SLC22A3: variants seen among roughly 807,000 people sequenced by gnomAD.
SLC22A3 encodes the protein EMT organic cation transporter 3.
SLC22A3 carries 51 observed loss-of-function variants against 59.1 expected under a neutral mutation model. The ratio of observed to expected loss-of-function variants is 0.86; its 90% CI spans 0.69 to 1.09. SLC22A3 has a LOEUF of 1.09. SLC22A3 is among the 50% of genes least tolerant of loss of function. SLC22A3 has a pLI of 0.00. For synonymous variants in SLC22A3, 325 were observed against 292.0 expected (o/e 1.11, Z -1.15); for missense variants, 711 against 726.3 (o/e 0.98, Z 0.24).
rs995749188 is a variant in SLC22A3 at position 160,415,350 on chromosome 6, A to C, written c.975+4504A>C. 2.6e-5 allele frequency among the ~76,000 whole-genome samples: 4 copies of C among 152,204 alleles called. No homozygotes were observed. The highest frequency in any genetic ancestry group is 4.8e-5 in the African/African-American group (2 of 41,458). Reference sequence around the variant, plus strand: ...GGCACTGTACTTGAACTCCAACCCCAAAAATCACAGCAGGATTCCATTATA... The same window carrying C: ...GGCACTGTACTTGAACTCCAACCCCCAAAATCACAGCAGGATTCCATTATA... On this transcript the variant is annotated intron_variant, in intron 5 of 10. Transcript: ENST00000275300. The surrounding 1 kb of genome is among the most constrained non-coding windows in gnomAD (Gnocchi z 4.1).
At chr6:160,357,514 T>C (rs922725988) in intron 1 of SLC22A3, among the ~76,000 whole-genome samples, 2 of 152,132 alleles carry the variant, frequency 1.3e-5, no homozygotes, top group African/African-American at 4.8e-5. Flanking sequence ...AGGGACAAGG[T>C]GCCAGGAGCT....
rs754656605 is a variant in SLC22A3 at position 160,437,051 on chromosome 6, G to C, written c.1128G>C (p.Gly376=). 6.2e-7 allele frequency: 1 copy of C among 1,614,084 alleles called. No homozygotes were observed. Among genetic ancestry groups the C allele is most frequent in the South Asian group, 1.1e-5 (1 of 91,082 alleles). The change falls in exon 7 of 11, where the codon GGG becomes GGC. Residue 376 remains glycine (G), a synonymous_variant. Transcript: ENST00000275300. Reference sequence around the variant, plus strand: ...TTGTCATGCGCCTGGGAATTATAGGGGGCAACCTCTATATAGACTTTTTCA... The same window carrying C: ...TTGTCATGCGCCTGGGAATTATAGGCGGCAACCTCTATATAGACTTTTTCA... ...QGLVMRLGII[G]GNLYIDFFIS...
intron 1 of SLC22A3, among the ~76,000 whole-genome samples, chr6:160,354,497 T>C (rs1784764689): frequency 6.6e-6 from 1 of 152,188 alleles, no homozygotes; most frequent in Admixed American, 6.5e-5. Context: ...AGTTTGCTGA[T>C]CCCTGGTCTA....
At chr6:160,438,359 C>T (rs1788425376) in intron 7 of SLC22A3, among the ~76,000 whole-genome samples, 1 of 152,102 alleles carries the variant, frequency 6.6e-6, no homozygotes, top group South Asian at 2.1e-4. Context: ...GTGGGGATTA[C>T]AGAGAAAGCT....
In SLC22A3 at chr6:160,360,549, T is replaced by C. The variant is rs376179722; in HGVS notation, c.429+11701T>C. Among the ~76,000 whole-genome samples, 96 of 152,338 alleles carry C rather than the reference T, an allele frequency of 6.3e-4. 1 individual carries two copies. Among genetic ancestry groups the C allele is most frequent in the African/African-American group, 1.9e-3 (80 of 41,560 alleles). On this transcript the variant is annotated intron_variant, in intron 1 of 10. Coordinates refer to ENST00000275300, the MANE Select transcript of SLC22A3 (RefSeq NM_021977.4). ...TCTCAGTTTCTCTTTATTAAACCTCTTTCTCTTAAGAACATAAACAAACAA... is the reference window on the plus strand; with the variant it reads ...TCTCAGTTTCTCTTTATTAAACCTCCTTCTCTTAAGAACATAAACAAACAA...
intron 5 of SLC22A3, among the ~76,000 whole-genome samples, chr6:160,419,423 A>G (rs1006860672): frequency 2.6e-5 from 4 of 152,180 alleles, no homozygotes; most frequent in African/African-American, 9.7e-5. Context: ...TTTCAGTTCA[A>G]TTAGGGTGCT....
At chr6:160,423,280 C>T (rs1787820006) in intron 5 of SLC22A3, among the ~76,000 whole-genome samples, 1 of 152,108 alleles carries the variant, frequency 6.6e-6, no homozygotes, top group Non-Finnish European at 1.5e-5. Context: ...TGAATAGTGC[C>T]ACAATAAACA....
Position 160,348,425 on chromosome 6 carries a change from C to T in SLC22A3, c.6C>T (p.Pro2=), listed in dbSNP as rs776122296. ...CGGCGGGCGGCGGGCGCACCATGCC[C>T]TCCTTCGACGAGGCGCTGCAGCGGG... is the stretch of plus-strand genomic sequence containing the variant. M[P]SFDEALQRVG... Residue 2 remains proline, a synonymous_variant, in exon 1 of 11, where the codon CCC becomes CCT. Transcript: ENST00000275300. 1.4e-5 allele frequency: 21 copies of T among 1,498,814 alleles called. No individual in the cohort carries two copies. The highest frequency in any genetic ancestry group is 4.1e-5 in the Admixed American group (2 of 48,504). 92.8% of individuals were successfully genotyped at this position (1,498,814 alleles called of 1,614,324 possible). A position where few individuals can be genotyped will look rare whatever the true frequency, so the allele number is the denominator to read the frequency against.
intron 5 of SLC22A3, among the ~76,000 whole-genome samples, chr6:160,412,451 C>A (rs1182078682): frequency 2.0e-5 from 3 of 152,218 alleles, no homozygotes; most frequent in Non-Finnish European, 4.4e-5. Context: ...CCTTCTTCCT[C>A]TCTCTTATAT....
intron 5 of SLC22A3, among the ~76,000 whole-genome samples, chr6:160,432,252 C>A (rs766823397): frequency 1.3e-5 from 2 of 152,068 alleles, no homozygotes; most frequent in Non-Finnish European, 2.9e-5. Context: ...ATCAGGCCTC[C>A]CGCTACAACT....
At chr6:160,439,698 C>G (rs1365256284) in intron 7 of SLC22A3, among the ~76,000 whole-genome samples, 4 of 152,174 alleles carry the variant, frequency 2.6e-5, no homozygotes, top group Non-Finnish European at 5.9e-5. Flanking sequence ...TTGTTCTCAG[C>G]AAGACTGAAA....
chr6:160,400,984 G>GAAAA (rs58532600), intron 2 of SLC22A3, among the ~76,000 whole-genome samples: 12 of 78,516 alleles, frequency 1.5e-4, no homozygotes, highest in Middle Eastern at 9.1e-3. Flanking sequence ...CTCCAAAACT[G>GAAAA]AAAAAAAAAA....
chr6:160,436,364 T>C (rs1056830884), intron 5 of SLC22A3, among the ~76,000 whole-genome samples: 1 of 152,180 alleles, frequency 6.6e-6, no homozygotes, highest in African/African-American at 2.4e-5. Context: ...AAATAATACC[T>C]TTGGTGCTTA....
At chr6:160,395,325 G>A (rs987643746) in intron 1 of SLC22A3, among the ~76,000 whole-genome samples, 1 of 152,174 alleles carries the variant, frequency 6.6e-6, no homozygotes, top group African/African-American at 2.4e-5. Context: ...TAAAAGGCAA[G>A]CTCTTGATAG....
Position 160,387,561 on chromosome 6 carries a change from G to A in SLC22A3, c.430-10418G>A, listed in dbSNP as rs924459726. ...CAATGTATTGGAATGTCTGCATTCA[G>A]AAGGGCTATCCGAGACATTATACTA... is the stretch of plus-strand genomic sequence containing the variant. On this transcript the variant is annotated intron_variant, in intron 1 of 10. Coordinates refer to ENST00000275300, the MANE Select transcript of SLC22A3 (RefSeq NM_021977.4). 7.2e-5 allele frequency among the ~76,000 whole-genome samples: 11 copies of A among 152,216 alleles called. 1 individual carries two copies. The highest frequency in any genetic ancestry group is 2.4e-4 in the African/African-American group (10 of 41,458).
chr6:160,351,100 ATT>A (rs1194456036), intron 1 of SLC22A3, among the ~76,000 whole-genome samples: 7 of 151,748 alleles, frequency 4.6e-5, no homozygotes, highest in Non-Finnish European at 7.4e-5. Context: ...TATTGGAGAG[ATT>A]CTTTTTTGTT....
At chr6:160,366,765 G>A (rs556780116) in intron 1 of SLC22A3, among the ~76,000 whole-genome samples, 35 of 152,150 alleles carry the variant, frequency 2.3e-4, no homozygotes, top group African/African-American at 6.5e-4. Flanking sequence ...GCCAACCCCC[G>A]GGACCAACAC....
intron 9 of SLC22A3, among the ~76,000 whole-genome samples, chr6:160,445,983 G>C (rs747125685): frequency 6.6e-6 from 1 of 152,224 alleles, no homozygotes; most frequent in African/African-American, 2.4e-5. Flanking sequence ...GAAGCTGAGG[G>C]AGTGGCCCAA....
chr6:160,375,449 C>T (rs1254314723), intron 1 of SLC22A3, among the ~76,000 whole-genome samples: 2 of 151,854 alleles, frequency 1.3e-5, no homozygotes, highest in South Asian at 2.1e-4. Flanking sequence ...TCCTAGCCCC[C>T]CCACCACCCT....
Sources: allele counts gnomAD v4.1 joint callset (sites outside exome capture counted in the v4.1 genomes callset), GRCh38; gene constraint gnomAD v4.1.1; non-coding constraint Gnocchi (gnomAD v3.1); transcripts MANE v1.5; gene names NCBI Gene and HGNC (gene_info 2026-07-23, HGNC 2026-07-21).